ATRNL1: variants seen among roughly 807,000 people sequenced by gnomAD.
ATRNL1 encodes attractin-like protein 1.
In ATRNL1, 95 loss-of-function variants were observed where a neutral mutation model predicts 182.7. The ratio of observed to expected loss-of-function variants is 0.52; its 90% CI spans 0.44 to 0.62. ATRNL1 has a LOEUF of 0.62. Ranked by LOEUF, ATRNL1 falls within the 20% of genes least tolerant of loss-of-function variation. The probability of loss-of-function intolerance (pLI) is 0.00; values close to 1 mark genes in which losing one functional copy is unlikely to be tolerated. For synonymous variants in ATRNL1, 576 were observed against 568.3 expected, an observed-to-expected ratio of 1.01 and a Z score of -0.19; for missense variants, 1,471 against 1,679.5, an observed-to-expected ratio of 0.88 and a Z score of 2.17.
chr10:115,690,958 C>G (rs1447929821), intron 26 of ATRNL1, among the ~76,000 whole-genome samples: 3 of 152,128 alleles, frequency 2.0e-5, no homozygotes, highest in African/African-American at 7.2e-5. Context: ...AATACCAAGC[C>G]CCTTGGGGCT....
intron 26 of ATRNL1, among the ~76,000 whole-genome samples, chr10:115,574,667 A>G (rs1483953568): frequency 6.6e-6 from 1 of 152,158 alleles, no homozygotes; most frequent in Non-Finnish European, 1.5e-5. Flanking sequence ...GATGCTCCTT[A>G]GTTGATTTCT....
Position 115,946,879 on chromosome 10 carries a change from T to C in ATRNL1, c.*2100T>C, listed in dbSNP as rs781976768. The C allele has an allele frequency of 1.3e-5, 2 of 152,146 alleles. No individual in the cohort carries two copies. Among genetic ancestry groups the C allele is most frequent in the Non-Finnish European group, 2.9e-5 (2 of 68,012 alleles). The allele number at this position is 152,146 out of a possible 1,614,324, so 9.4% of individuals were successfully genotyped here. ...GCATAACAATAAAAATACAAAAACATACAGATTTAGATGTAAAATCTATAT... is the reference window on the plus strand; with the variant it reads ...GCATAACAATAAAAATACAAAAACACACAGATTTAGATGTAAAATCTATAT... On this transcript the variant is annotated 3_prime_UTR_variant, in exon 29 of 29. Transcript: ENST00000355044.
chr10:115,627,924 A>G (rs1221137088), intron 26 of ATRNL1, among the ~76,000 whole-genome samples: 1 of 152,030 alleles, frequency 6.6e-6, no homozygotes, highest in Non-Finnish European at 1.5e-5. Flanking sequence ...AGGCGGGCAG[A>G]TCACAAGGTC....
At chr10:115,150,776 A>G (rs1327320182) in intron 5 of ATRNL1, among the ~76,000 whole-genome samples, 1 of 152,046 alleles carries the variant, frequency 6.6e-6, no homozygotes, top group African/African-American at 2.4e-5. Context: ...TACAACTTGC[A>G]GGTTTGTTAT....
At chr10:115,095,705 T>A (rs2084994417) in intron 1 of ATRNL1, among the ~76,000 whole-genome samples, 1 of 152,194 alleles carries the variant, frequency 6.6e-6, no homozygotes, top group Non-Finnish European at 1.5e-5. Flanking sequence ...TAGTTGTTTT[T>A]TTTTGCTTGT....
chr10:115,428,484 GCATT>G (rs1554963370), intron 21 of ATRNL1, among the ~76,000 whole-genome samples: 1 of 151,984 alleles, frequency 6.6e-6, no homozygotes, highest in East Asian at 1.9e-4. Context: ...AAGAGGGAAA[GCATT>G]CAGTCTTTTA....
intron 8 of ATRNL1, among the ~76,000 whole-genome samples, chr10:115,202,532 A>G (rs1486191744): frequency 6.6e-6 from 1 of 152,170 alleles, no homozygotes; most frequent in Admixed American, 6.6e-5. Context: ...GATGGATTAC[A>G]TTTATTGATT....
chr10:115,387,711 T>C (rs1554953076), intron 19 of ATRNL1, among the ~76,000 whole-genome samples: 1 of 152,228 alleles, frequency 6.6e-6, no homozygotes, highest in East Asian at 1.9e-4. Flanking sequence ...GTGTTTGGCT[T>C]TTTTTCACTG....
chr10:115,688,225 G>A (rs1555046949), intron 26 of ATRNL1, among the ~76,000 whole-genome samples: 3 of 152,100 alleles, frequency 2.0e-5, no homozygotes, highest in Non-Finnish European at 4.4e-5. Context: ...CCATCGATGA[G>A]CATGTAGGTT....
chr10:115,480,349 A>G (rs1285031480), intron 24 of ATRNL1, among the ~76,000 whole-genome samples: 1 of 151,066 alleles, frequency 6.6e-6, no homozygotes, highest in African/African-American at 2.4e-5. Flanking sequence ...TTGTATATAT[A>G]TATTTTTTAA....
At chr10:115,228,167 C>A (rs1767444559) in intron 9 of ATRNL1, among the ~76,000 whole-genome samples, 1 of 152,014 alleles carries the variant, frequency 6.6e-6, no homozygotes, top group African/African-American at 2.4e-5. Flanking sequence ...GTAAAGTTAG[C>A]AAATTACGTT....
At chr10:115,797,534 T>C (rs557890218) in intron 27 of ATRNL1, among the ~76,000 whole-genome samples, 4 of 152,004 alleles carry the variant, frequency 2.6e-5, no homozygotes, top group African/African-American at 9.7e-5. Context: ...CTGGGGATAT[T>C]AGAATGAACA....
At chr10:115,238,585 A>G (rs1850280008) in intron 9 of ATRNL1, among the ~76,000 whole-genome samples, 1 of 152,154 alleles carries the variant, frequency 6.6e-6, no homozygotes, top group South Asian at 2.1e-4. Flanking sequence ...TGTGTCCTGC[A>G]ACCTTGCTAT....
intron 27 of ATRNL1, among the ~76,000 whole-genome samples, chr10:115,836,636 G>A (rs1025095021): frequency 7.2e-5 from 11 of 152,256 alleles, no homozygotes; most frequent in South Asian, 2.1e-4. Flanking sequence ...TGACTCTCCC[G>A]TGTGGCATCT....
At chr10:115,413,154 A>ATATTT (rs1461052047) in intron 20 of ATRNL1, among the ~76,000 whole-genome samples, 1 of 152,116 alleles carries the variant, frequency 6.6e-6, no homozygotes, top group Non-Finnish European at 1.5e-5. Flanking sequence ...TGTATAAGTA[A>ATATTT]TATTTTATAC....
chr10:115,575,854 C>T (rs1006177937), intron 26 of ATRNL1, among the ~76,000 whole-genome samples: 27 of 151,960 alleles, frequency 1.8e-4, no homozygotes, highest in Non-Finnish European at 3.1e-4. Flanking sequence ...AATTAGTCAT[C>T]CTACCTAACT....
intron 5 of ATRNL1, among the ~76,000 whole-genome samples, chr10:115,139,658 G>A (rs145175646): frequency 0.012 from 1,784 of 152,296 alleles, 34 homozygotes; most frequent in African/African-American, 0.04. Context: ...AGATTTGGGT[G>A]AGGACACAAC....
intron 21 of ATRNL1, among the ~76,000 whole-genome samples, chr10:115,443,231 A>G (rs979057480): frequency 1.3e-5 from 2 of 152,086 alleles, no homozygotes; most frequent in Middle Eastern, 3.4e-3. Flanking sequence ...TTGATGATTT[A>G]TAGTGATGCC....
chr10:115,369,710 T>C (rs942060221), intron 19 of ATRNL1, among the ~76,000 whole-genome samples: 1 of 152,168 alleles, frequency 6.6e-6, no homozygotes, highest in African/African-American at 2.4e-5. Flanking sequence ...AAAGGTTCCC[T>C]TTTTTTCCAC....
Sources: allele counts gnomAD v4.1 joint callset (sites outside exome capture counted in the v4.1 genomes callset), GRCh38; gene constraint gnomAD v4.1.1; transcripts MANE v1.5; gene names NCBI Gene and HGNC (gene_info 2026-07-23, HGNC 2026-07-21).